The following ARHGAP20 variants were observed in gnomAD, a reference collection of about 807,000 sequenced individuals.
ARHGAP20 encodes the protein Rho GTPase activating protein 20.
Under a neutral mutation model 73.7 loss-of-function variants are expected in ARHGAP20, and 34 were observed. The observed-to-expected ratio is 0.46, with a 90% CI of 0.35 to 0.61. The LOEUF (loss-of-function observed/expected upper bound fraction) is 0.61. Ranked by LOEUF, ARHGAP20 falls within the 20% of genes least tolerant of loss-of-function variation. The pLI is 0.00. For synonymous variants in ARHGAP20, 523 were observed against 518.2 expected (o/e 1.01, Z -0.13); for missense variants, 1,314 against 1,420.9 (o/e 0.92, Z 1.21).
chr11:110,636,057 C>CAAATACCT (rs1254491172), intron 2 of ARHGAP20, among the ~76,000 whole-genome samples: 2 of 152,058 alleles, frequency 1.3e-5, no homozygotes, highest in East Asian at 3.8e-4. Context: ...AGGTATCCAA[C>CAAATACCT]AAATAACTGC....
intron 2 of ARHGAP20, among the ~76,000 whole-genome samples, chr11:110,652,610 A>G (rs909359631): frequency 6.6e-6 from 1 of 152,170 alleles, no homozygotes; most frequent in Admixed American, 6.5e-5. Flanking sequence ...GCAGAGAGCC[A>G]AATCATGAAT....
Position 110,579,185 on chromosome 11 carries a change from AT to A in ARHGAP20, c.*184del, listed in dbSNP as rs1947366022. 2.3e-6 allele frequency: 3 copies of A among 1,286,614 alleles called. No individual in the cohort carries two copies. Among genetic ancestry groups the A allele is most frequent in the Admixed American group, 3.3e-5 (1 of 30,318 alleles). The allele number at this position is 1,286,614 out of a possible 1,614,324, so 79.7% of individuals were successfully genotyped here. ...GCCTCCCAAACACTTAGGTGACAAA[AT>A]TTTTAGCATAAAGTATTTGTCAAGT... On this transcript the variant is annotated 3_prime_UTR_variant, in exon 15 of 15. Coordinates refer to ENST00000683387, the MANE Select transcript of ARHGAP20 (RefSeq NM_001384657.1).
intron 9 of ARHGAP20, among the ~76,000 whole-genome samples, chr11:110,595,140 A>C (rs972657944): frequency 1.3e-5 from 2 of 151,884 alleles, no homozygotes; most frequent in African/African-American, 4.8e-5. Context: ...GATGGGACGT[A>C]TCTCAAAATA....
chr11:110,630,753 C>T lies in ARHGAP20; in HGVS notation c.228G>A (p.Leu76=). Residue 76 remains leucine (L), a synonymous_variant, in exon 3 of 15, where the codon CTG becomes CTA. Coordinates refer to ENST00000683387, the MANE Select transcript of ARHGAP20 (RefSeq NM_001384657.1). Reference sequence around the variant, plus strand: ...TCCTATTGGAGCACACTAATGATGACAGAAATGTGCATGTGTCAACACTAG... The same window carrying T: ...TCCTATTGGAGCACACTAATGATGATAGAAATGTGCATGTGTCAACACTAG... The part of the protein sequence containing the change: ...PSASVDTCTF[L]SSLVCSNRTL... 6.2e-7 allele frequency: 1 copy of T among 1,614,044 alleles called. No individual in the cohort carries two copies. Among genetic ancestry groups the T allele is most frequent in the Non-Finnish European group, 8.5e-7 (1 of 1,179,956 alleles).
rs910626961 is a variant in ARHGAP20, at chr11:110,580,986, G to C, written c.1960C>G (p.Pro654Ala). 6.2e-7 allele frequency: 1 copy of C among 1,614,174 alleles called. No individual in the cohort carries two copies. Among genetic ancestry groups the C allele is most frequent in the Non-Finnish European group, 8.5e-7 (1 of 1,180,034 alleles). Residue 654 changes from proline to alanine, a missense_variant, in exon 15 of 15, where the codon CCT becomes GCT. Around this residue, in one of 3 missense-constraint regions of ARHGAP20, gnomAD observed 230 missense variants for 317.6 expected, o/e 0.72. Transcript: ENST00000683387. Reference protein sequence around the residue: ...SKDEDVQMKRPLESKPVNILV... With the variant: ...SKDEDVQMKRALESKPVNILV... ...ATGTTCACCGGCTTGGATTCAAGAG[G>C]CCGTTTCATTTGAACATCTTCATCT...
At chr11:110,690,236 C>T (rs928729557) in intron 2 of ARHGAP20, among the ~76,000 whole-genome samples, 1 of 152,132 alleles carries the variant, frequency 6.6e-6, no homozygotes, top group Non-Finnish European at 1.5e-5. Flanking sequence ...TTGTGCAAAA[C>T]AAAACATTCA....
rs139626332 is a variant in ARHGAP20 at position 110,682,483 on chromosome 11, A to T, written c.188+8064T>A. ...ATTTGGTTTCAGAGTCTATGCACTA[A>T]GGTACTGTATCATATTCCTTTAAGA... On this transcript the variant is annotated intron_variant, in intron 2 of 14. Coordinates refer to ENST00000683387, the MANE Select transcript of ARHGAP20 (RefSeq NM_001384657.1). Among the ~76,000 whole-genome samples the T allele has an allele frequency of 8.8e-3, 1,347 of 152,256 alleles. 89 individuals are homozygous for T. Among genetic ancestry groups the T allele is most frequent in the Admixed American group, 0.081 (1,238 of 15,272 alleles).
Position 110,606,697 on chromosome 11 carries a change from G to T in ARHGAP20, c.828C>A (p.Leu276=), listed in dbSNP as rs1948240089. 1 of 1,595,826 alleles carries T rather than the reference G, an allele frequency of 6.3e-7. No individual in the cohort carries two copies. The highest frequency in any genetic ancestry group is 1.1e-5 in the South Asian group (1 of 89,426). ...TAGAGTCCTTTGATCCCGGTGTCAG[G>T]AGTGCAGAGTCTCGAAGATGGCTCA... ...IKMSHLRDSA[L]LTPGSKDSTT... The change falls in exon 9 of 15, where the codon CTC becomes CTA. Residue 276 remains leucine (L), a synonymous_variant. Coordinates refer to ENST00000683387, the MANE Select transcript of ARHGAP20 (RefSeq NM_001384657.1).
intron 9 of ARHGAP20, among the ~76,000 whole-genome samples, chr11:110,596,475 G>A (rs1425342590): frequency 6.6e-6 from 1 of 151,940 alleles, no homozygotes; most frequent in African/African-American, 2.4e-5. Context: ...CAAAAAGTGG[G>A]CAAAGGATAT....
At chr11:110,611,480 T>G in intron 6 of ARHGAP20, 94 bp from the exon 7 acceptor site, 1 of 600,818 alleles carries the variant, frequency 1.7e-6, no homozygotes. Flanking sequence ...GAAAGGCAAA[T>G]ATTGATTTCA....
chr11:110,633,075 C>T (rs1948892008), intron 2 of ARHGAP20, among the ~76,000 whole-genome samples: 1 of 152,164 alleles, frequency 6.6e-6, no homozygotes, highest in South Asian at 2.1e-4. Context: ...AAGATATTCT[C>T]CAATGCATTC....
intron 2 of ARHGAP20, among the ~76,000 whole-genome samples, chr11:110,639,752 A>G (rs751432217): frequency 1.3e-5 from 2 of 152,024 alleles, no homozygotes; most frequent in Non-Finnish European, 2.9e-5. Context: ...TTCATGTTGT[A>G]GCATGTATTA....
intron 11 of ARHGAP20, chr11:110,589,638 G>GT: frequency 1.0e-6 from 1 of 985,404 alleles, no homozygotes; most frequent in South Asian, 4.7e-5. Context: ...TTGACTGTAG[G>GT]TGTTTCCAAA....
At chr11:110,700,575 T>C (rs1252308782) in intron 1 of ARHGAP20, among the ~76,000 whole-genome samples, 1 of 151,480 alleles carries the variant, frequency 6.6e-6, no homozygotes, top group African/African-American at 2.4e-5. Context: ...CTTTTTTTTT[T>C]CTTTCTTTTT....
chr11:110,687,793 T>C (rs774766447), intron 2 of ARHGAP20, among the ~76,000 whole-genome samples: 1 of 152,200 alleles, frequency 6.6e-6, no homozygotes, highest in African/African-American at 2.4e-5. Context: ...AATAAGTACA[T>C]GCTCAGACAT....
chr11:110,593,137 T>C (rs1331985854), intron 9 of ARHGAP20, among the ~76,000 whole-genome samples: 4 of 152,126 alleles, frequency 2.6e-5, no homozygotes, highest in Non-Finnish European at 5.9e-5. Flanking sequence ...GTGCCTTCCA[T>C]CTAGTGAGTA....
chr11:110,657,920 G>GAGGAAGGAAGGAAGGAAGGA (rs3044293), intron 2 of ARHGAP20, among the ~76,000 whole-genome samples: 61 of 134,112 alleles, frequency 4.5e-4, no homozygotes, highest in African/African-American at 9.0e-4. Context: ...AAAAGAGAGA[G>GAGGAAGGAAGGAAGGAAGGA]AGGAAGGAAG....
At chr11:110,614,133 A>G (rs1220981404) in intron 6 of ARHGAP20, among the ~76,000 whole-genome samples, 2 of 152,146 alleles carry the variant, frequency 1.3e-5, no homozygotes, top group African/African-American at 4.8e-5. Context: ...ACTTTTCAAA[A>G]CCACTTTCTG....
chr11:110,641,606 G>A (rs1376920896), intron 2 of ARHGAP20, among the ~76,000 whole-genome samples: 2 of 151,888 alleles, frequency 1.3e-5, no homozygotes, highest in African/African-American at 2.4e-5. Context: ...GCTTCATTTT[G>A]TTTTCTTCCC....
Sources: gnomAD v4.1 joint callset for allele counts (sites outside exome capture counted in the v4.1 genomes callset) on GRCh38, gnomAD v4.1.1 for gene constraint, gnomAD v4.1.1 regional missense constraint, MANE v1.5 for transcripts, NCBI Gene and HGNC (gene_info 2026-07-23, HGNC 2026-07-21) for gene names.